SIPA1L1: variants seen among roughly 807,000 people sequenced by gnomAD.
SIPA1L1 encodes the protein signal-induced proliferation-associated 1-like protein 1.
A neutral mutation model predicts 162.7 loss-of-function variants in SIPA1L1; 26 were observed. The ratio of observed to expected loss-of-function variants is 0.16; its 90% CI spans 0.12 to 0.22. SIPA1L1 has a LOEUF of 0.22. Ranked by LOEUF, SIPA1L1 falls within the 10% of genes least tolerant of loss-of-function variation. The pLI is 1.00. For missense variants in SIPA1L1, 1,874 were observed against 2,241.0 expected (o/e 0.84, Z 3.31); for synonymous variants, 829 against 837.4 (o/e 0.99, Z 0.17).
intron 4 of SIPA1L1, among the ~76,000 whole-genome samples, chr14:71,550,169 C>T (rs1400141263): frequency 6.6e-6 from 1 of 152,202 alleles, no homozygotes; most frequent in African/African-American, 2.4e-5. Flanking sequence ...GGACGGATCA[C>T]TTGACCCCAG....
At chr14:71,669,944 C>A (rs1262941840) in intron 10 of SIPA1L1, among the ~76,000 whole-genome samples, 5 of 151,974 alleles carry the variant, frequency 3.3e-5, no homozygotes, top group African/African-American at 1.2e-4. Context: ...TTAAAGCAAA[C>A]CCTTCCTAAA....
intron 2 of SIPA1L1, among the ~76,000 whole-genome samples, chr14:71,427,144 A>G (rs986148425): frequency 6.6e-6 from 1 of 151,922 alleles, no homozygotes; most frequent in African/African-American, 2.4e-5. Context: ...TGTGGCTGCA[A>G]GTTACTTTTT....
chr14:71,418,157 A>T (rs1395191751), intron 2 of SIPA1L1: 1 of 152,190 alleles, frequency 6.6e-6, no homozygotes. Flanking sequence ...GCCCATGCCA[A>T]ATAGTTACCT....
At chr14:71,687,507 G>C (rs2080956898) in intron 13 of SIPA1L1, among the ~76,000 whole-genome samples, 1 of 152,262 alleles carries the variant, frequency 6.6e-6, no homozygotes, top group Non-Finnish European at 1.5e-5. Context: ...TTGGCTTTGT[G>C]TAATTTCCTT....
intron 7 of SIPA1L1, among the ~76,000 whole-genome samples, chr14:71,633,811 C>T (rs1215250079): frequency 6.6e-6 from 1 of 152,058 alleles, no homozygotes; most frequent in Non-Finnish European, 1.5e-5. Flanking sequence ...CTGGGGGAAA[C>T]AAATGAACAG....
intron 2 of SIPA1L1, among the ~76,000 whole-genome samples, chr14:71,452,729 G>T (rs1302043556): frequency 6.6e-6 from 1 of 152,180 alleles, no homozygotes; most frequent in Non-Finnish European, 1.5e-5. Context: ...AGCCATTCTG[G>T]TGGGTATGAA....
intron 19 of SIPA1L1, 150 bp downstream of exon 19, chr14:71,724,985 C>T (rs1197328025): frequency 1.4e-6 from 1 of 696,914 alleles, no homozygotes; most frequent in Admixed American, 2.8e-5. Context: ...TCCCTGATAA[C>T]TGGTCCACAG....
chr14:71,575,186 C>T (rs890585013), intron 4 of SIPA1L1: 1 of 152,220 alleles, frequency 6.6e-6, no homozygotes, highest in Non-Finnish European at 1.5e-5. Flanking sequence ...GGCTCTTAAT[C>T]ATCCACCCCT....
At chr14:71,540,837 T>C (rs1375241595) in intron 4 of SIPA1L1, among the ~76,000 whole-genome samples, 5 of 148,390 alleles carry the variant, frequency 3.4e-5, no homozygotes, top group African/African-American at 9.8e-5. Context: ...TCAGAACTTA[T>C]TCATGCTGGC....
intron 3 of SIPA1L1, among the ~76,000 whole-genome samples, chr14:71,517,914 G>A (rs1473354226): frequency 6.6e-6 from 1 of 152,030 alleles, no homozygotes; most frequent in East Asian, 1.9e-4. Context: ...TTTTTAATTT[G>A]TGGCTTATCT....
Position 71,629,172 on chromosome 14 carries a change from C to T in SIPA1L1, c.1818+4936C>T, listed in dbSNP as rs889767787. 5.9e-5 allele frequency among the ~76,000 whole-genome samples: 9 copies of T among 152,240 alleles called. No homozygotes were observed. The South Asian group carries it at 1.0e-3, about 18-fold the overall frequency. ...CAGGATAATCTCGATCTCCTGACCT[C>T]GTGGTCCGCCTGCCTCAGCCTCCCA... On this transcript the variant is annotated intron_variant, in intron 7 of 23. Transcript: ENST00000381232.
intron 5 of SIPA1L1, among the ~76,000 whole-genome samples, chr14:71,589,586 A>T (rs1233942087): frequency 2.0e-5 from 3 of 152,152 alleles, no homozygotes; most frequent in African/African-American, 7.2e-5. Context: ...CTTGTATGTT[A>T]AATAGTACTT....
At chr14:71,528,183 T>A (rs561073009) in intron 3 of SIPA1L1, among the ~76,000 whole-genome samples, 1 of 152,346 alleles carries the variant, frequency 6.6e-6, no homozygotes, top group African/African-American at 2.4e-5. Flanking sequence ...TGATGCAGTA[T>A]CAGATATTGG....
At chr14:71,694,728 T>G (rs923508387) in intron 13 of SIPA1L1, among the ~76,000 whole-genome samples, 1 of 152,220 alleles carries the variant, frequency 6.6e-6, no homozygotes, top group Non-Finnish European at 1.5e-5. Context: ...TCACAGCAAT[T>G]GAAAGAGGTA....
intron 4 of SIPA1L1, among the ~76,000 whole-genome samples, chr14:71,564,255 T>C (rs1324658815): frequency 6.6e-6 from 1 of 152,144 alleles, no homozygotes; most frequent in Admixed American, 6.5e-5. Context: ...GGCCTCATTT[T>C]CCTTCTTAAT....
intron 2 of SIPA1L1, among the ~76,000 whole-genome samples, chr14:71,437,291 A>T (rs952960516): frequency 6.6e-6 from 1 of 152,000 alleles, no homozygotes; most frequent in Non-Finnish European, 1.5e-5. Context: ...AGGCAGGAGG[A>T]TTGCTTGAGC....
chr14:71,502,361 C>G (rs1175418627), intron 2 of SIPA1L1, among the ~76,000 whole-genome samples: 3 of 150,748 alleles, frequency 2.0e-5, no homozygotes, highest in African/African-American at 7.3e-5. Context: ...GCCTCAGCCT[C>G]CCGAGTAGCT....
intron 2 of SIPA1L1, among the ~76,000 whole-genome samples, chr14:71,373,156 A>G (rs993888886): frequency 2.3e-4 from 35 of 151,878 alleles, no homozygotes; most frequent in African/African-American, 8.5e-4. Flanking sequence ...CTAAAAATAC[A>G]AAAAATTAGC....
At chr14:71,727,939 G>A (rs761196246) in intron 19 of SIPA1L1, among the ~76,000 whole-genome samples, 1 of 152,188 alleles carries the variant, frequency 6.6e-6, no homozygotes, top group Non-Finnish European at 1.5e-5. Context: ...TCACTGCAGG[G>A]TGTTTTAACT....
Sources: allele counts gnomAD v4.1 joint callset (sites outside exome capture counted in the v4.1 genomes callset), GRCh38; gene constraint gnomAD v4.1.1; transcripts MANE v1.5; gene names NCBI Gene and HGNC (gene_info 2026-07-23, HGNC 2026-07-21).